The following ZNF536 variants were observed in gnomAD, a reference collection of about 807,000 sequenced individuals.
ZNF536 encodes zinc finger protein 536.
ZNF536 carries 13 observed loss-of-function variants against 84.5 expected under a neutral mutation model. The observed-to-expected ratio is 0.15, with a 90% CI of 0.10 to 0.24. ZNF536 has a LOEUF of 0.24. Among genes scored for constraint, ZNF536 ranks in the 10% least tolerant of loss-of-function variants. ZNF536 has a pLI of 1.00. For missense variants in ZNF536, 1,536 were observed against 1,747.5 expected (o/e 0.88, Z 2.16); for synonymous variants, 811 against 742.5 (o/e 1.09, Z -1.50).
intron 1 of ZNF536, among the ~76,000 whole-genome samples, chr19:30,633,183 A>G (rs1268690960): frequency 2.6e-5 from 4 of 152,260 alleles, no homozygotes; most frequent in African/African-American, 9.6e-5. Context: ...GTATAGAAGA[A>G]GCTGATTGTG....
intron 2 of ZNF536, among the ~76,000 whole-genome samples, chr19:30,350,651 G>A (rs1451142969): frequency 1.3e-5 from 2 of 152,192 alleles, no homozygotes; most frequent in Non-Finnish European, 2.9e-5. Flanking sequence ...AATCTAATCA[G>A]ATTTATAAGA....
intron 1 of ZNF536, among the ~76,000 whole-genome samples, chr19:30,280,068 G>A (rs2145612816): frequency 6.6e-6 from 1 of 152,208 alleles, no homozygotes; most frequent in Non-Finnish European, 1.5e-5. Flanking sequence ...GGGCCAGGAG[G>A]GGAAATTGAA....
In ZNF536 at chr19:30,228,566, A is replaced by G. The variant is rs1599800970; in HGVS notation, c.-297A>G. 1.3e-5 allele frequency: 2 copies of G among 148,292 alleles called. No homozygotes were observed. Among genetic ancestry groups the G allele is most frequent in the Non-Finnish European group, 1.5e-5 (1 of 67,556 alleles). 9.2% of individuals were successfully genotyped at this position (148,292 alleles called of 1,614,324 possible). ...TCCCGCGCCTCCCAGTCCGGAGTCC[A>G]TTTGCATAATTGGATTTTTTTTTTT... On this transcript the variant is annotated 5_prime_UTR_variant, in exon 1 of 6. Transcript: ENST00000585628. The surrounding 1 kb of genome is among the most constrained non-coding windows in gnomAD (Gnocchi z 4.5).
chr19:30,640,608 T>TAA (rs2049234308), intron 1 of ZNF536, among the ~76,000 whole-genome samples: 1 of 152,166 alleles, frequency 6.6e-6, no homozygotes, highest in African/African-American at 2.4e-5. Context: ...CCCTGCACCG[T>TAA]CTTACCAGCC....
At chr19:30,576,349 C>T (rs2146612074) in intron 1 of ZNF536, among the ~76,000 whole-genome samples, 1 of 152,300 alleles carries the variant, frequency 6.6e-6, no homozygotes, top group Non-Finnish European at 1.5e-5. Flanking sequence ...CCCGCTCTGT[C>T]TCCTTCCCCC....
intron 1 of ZNF536, among the ~76,000 whole-genome samples, chr19:30,657,429 T>G (rs1329249275): frequency 1.3e-5 from 2 of 152,194 alleles, no homozygotes; most frequent in African/African-American, 4.8e-5. Flanking sequence ...GCAGACCCTG[T>G]GCTAAAGCCA....
intron 2 of ZNF536, among the ~76,000 whole-genome samples, chr19:30,519,725 G>A (rs1371403238): frequency 1.3e-5 from 2 of 152,084 alleles, no homozygotes; most frequent in Non-Finnish European, 2.9e-5. Context: ...ATGGAAGGGT[G>A]GCCAGCCCTC....
chr19:30,519,144 G>A (rs1201649479), intron 2 of ZNF536, among the ~76,000 whole-genome samples: 1 of 152,234 alleles, frequency 6.6e-6, no homozygotes, highest in Non-Finnish European at 1.5e-5. Flanking sequence ...ACGGTTCAAG[G>A]CCAACACCTG....
At chr19:30,405,819 C>T (rs1263721933) in intron 1 of ZNF536, among the ~76,000 whole-genome samples, 1 of 151,716 alleles carries the variant, frequency 6.6e-6, no homozygotes, top group African/African-American at 2.4e-5. Flanking sequence ...ACTCTGTATC[C>T]CAGGTTGGAG....
chr19:30,506,717 T>C (rs1333570709), intron 2 of ZNF536, among the ~76,000 whole-genome samples: 4 of 152,178 alleles, frequency 2.6e-5, no homozygotes, highest in African/African-American at 9.6e-5. Context: ...CCGAGCTGAT[T>C]GGGCCTCGAG....
intron 2 of ZNF536, among the ~76,000 whole-genome samples, chr19:30,287,605 G>A (rs2045683792): frequency 7.5e-6 from 1 of 133,016 alleles, no homozygotes; most frequent in Non-Finnish European, 1.6e-5. Flanking sequence ...TGGATGGATG[G>A]GTGGATGGAT....
In ZNF536 at chr19:30,507,613, G is replaced by A. The variant is rs189571848; in HGVS notation, c.2171-27234G>A. Among the ~76,000 whole-genome samples the A allele has an allele frequency of 2.1e-3, 314 of 152,126 alleles. 1 individual carries two copies. Among genetic ancestry groups the A allele is most frequent in the African/African-American group, 7.1e-3 (295 of 41,508 alleles). ...AAGGTGTAAAGAATAGAGAAAAAGG[G>A]TTCCAAAAACATATCTAAAAGGTAT... On this transcript the variant is annotated intron_variant, in intron 2 of 4. Coordinates refer to ENST00000355537, the MANE Select transcript of ZNF536 (RefSeq NM_014717.3).
At chr19:30,317,002 C>T (rs138797600) in intron 2 of ZNF536, among the ~76,000 whole-genome samples, 323 of 152,312 alleles carry the variant, frequency 2.1e-3, no homozygotes, top group Middle Eastern at 0.01. Context: ...CAGGTCAAAG[C>T]GTGGGCTTGG....
chr19:30,519,388 A>G (rs1158130822), intron 2 of ZNF536, among the ~76,000 whole-genome samples: 1 of 152,214 alleles, frequency 6.6e-6, no homozygotes, highest in Non-Finnish European at 1.5e-5. Flanking sequence ...GGGAAGACCA[A>G]GCTGACTTCT....
chr19:30,634,754 A>G (rs1452784504), intron 1 of ZNF536, among the ~76,000 whole-genome samples: 1 of 152,066 alleles, frequency 6.6e-6, no homozygotes, highest in Non-Finnish European at 1.5e-5. Flanking sequence ...TCCAACCAGA[A>G]AGGGGACGGG....
chr19:30,383,764 T>TTTC (rs1568376997), intron 1 of ZNF536, among the ~76,000 whole-genome samples: 7 of 2,666 alleles, frequency 2.6e-3, no homozygotes, highest in African/African-American at 0.01. Context: ...TTTCTCTTTC[T>TTTC]TTCTTTCTTT....
chr19:30,439,960 T>G (rs1023621339), intron 1 of ZNF536, among the ~76,000 whole-genome samples: 3 of 85,210 alleles, frequency 3.5e-5, no homozygotes, highest in Non-Finnish European at 6.8e-5. Context: ...TCTTTCTTTC[T>G]TTTTTTTTTT....
intron 1 of ZNF536, among the ~76,000 whole-genome samples, chr19:30,572,562 G>A (rs1204731489): frequency 6.6e-6 from 1 of 152,218 alleles, no homozygotes. Flanking sequence ...TCCATCATGG[G>A]GAAGGTGCAT....
chr19:30,249,406 C>G (rs115979313), intron 1 of ZNF536, among the ~76,000 whole-genome samples: 1 of 152,012 alleles, frequency 6.6e-6, no homozygotes, highest in Non-Finnish European at 1.5e-5. Context: ...TATTTTAACA[C>G]GCCCTTGTGG....
Sources: allele counts gnomAD v4.1 joint callset (sites outside exome capture counted in the v4.1 genomes callset), GRCh38; gene constraint gnomAD v4.1.1; non-coding constraint Gnocchi (gnomAD v3.1); transcripts MANE v1.5; gene names NCBI Gene and HGNC (gene_info 2026-07-23, HGNC 2026-07-21).